The following ARID1B variants were observed in gnomAD, a reference collection of about 807,000 sequenced individuals.
ARID1B encodes AT-rich interactive domain-containing protein 1B.
In ARID1B, 30 loss-of-function variants were observed where a neutral mutation model predicts 212.3. The ratio of observed to expected loss-of-function variants is 0.14; its 90% CI spans 0.11 to 0.19. ARID1B has a LOEUF of 0.19. Among genes scored for constraint, ARID1B ranks in the 10% least tolerant of loss-of-function variants. The pLI, the probability that ARID1B is intolerant of heterozygous loss-of-function variation, is 1.00. For synonymous variants in ARID1B, 1,402 were observed against 1,301.7 expected (o/e 1.08, Z -1.66); for missense variants, 2,891 against 3,204.0 (o/e 0.90, Z 2.36).
chr6:156,805,545 A>G (rs1781094586), intron 1 of ARID1B, among the ~76,000 whole-genome samples: 1 of 152,210 alleles, frequency 6.6e-6, no homozygotes, highest in African/African-American at 2.4e-5. Context: ...GTTTGCCTAT[A>G]GGAGTATGCT....
chr6:157,180,389 A>C (rs536488207), intron 11 of ARID1B, among the ~76,000 whole-genome samples: 20 of 151,980 alleles, frequency 1.3e-4, no homozygotes, highest in African/African-American at 4.8e-4. Flanking sequence ...AACAAAAAAA[A>C]ACAAAAAACA....
At chr6:157,181,693 CA>C (rs1792548424) in intron 12 of ARID1B, among the ~76,000 whole-genome samples, 1 of 152,242 alleles carries the variant, frequency 6.6e-6, no homozygotes, top group East Asian at 1.9e-4. Context: ...TGAGGTGTGA[CA>C]GGGGAGCTGC....
intron 4 of ARID1B, among the ~76,000 whole-genome samples, chr6:156,982,682 CTTGT>C (rs1277641598): frequency 6.6e-6 from 1 of 151,954 alleles, no homozygotes; most frequent in Non-Finnish European, 1.5e-5. Context: ...GTTAAATTAT[CTTGT>C]TTTTCTCTTT....
At chr6:156,914,180 A>C (rs1175826005) in intron 3 of ARID1B, among the ~76,000 whole-genome samples, 2 of 66,474 alleles carry the variant, frequency 3.0e-5, no homozygotes, top group African/African-American at 6.2e-5. Context: ...CCCCCATTCC[A>C]CTCTACTCCC....
At chr6:156,790,664 C>T (rs191794715) in intron 1 of ARID1B, among the ~76,000 whole-genome samples, 69 of 152,306 alleles carry the variant, frequency 4.5e-4, no homozygotes, top group African/African-American at 1.6e-3. Context: ...TCATCCCTTT[C>T]CCCCCATCTT....
At chr6:157,108,246 A>G (rs972809460) in intron 5 of ARID1B, among the ~76,000 whole-genome samples, 3 of 152,208 alleles carry the variant, frequency 2.0e-5, no homozygotes, top group East Asian at 3.8e-4. Context: ...GTGCCACACA[A>G]CCAGAAGTGC....
intron 8 of ARID1B, among the ~76,000 whole-genome samples, chr6:157,165,730 T>TTCC (rs1393939409): frequency 1.3e-5 from 2 of 152,134 alleles, no homozygotes; most frequent in Admixed American, 6.5e-5. Context: ...ACACCTGTAG[T>TTCC]TCCAGCTATT....
At chr6:157,031,263 T>C (rs569624378) in intron 4 of ARID1B, among the ~76,000 whole-genome samples, 18 of 152,334 alleles carry the variant, frequency 1.2e-4, no homozygotes, top group African/African-American at 3.4e-4. Flanking sequence ...AGTGTCTACT[T>C]TTCCTTAATG....
At chr6:157,142,329 A>G (rs1789419314) in intron 7 of ARID1B, among the ~76,000 whole-genome samples, 1 of 152,198 alleles carries the variant, frequency 6.6e-6, no homozygotes. Flanking sequence ...TTATATCTCA[A>G]TATAGACATG....
intron 2 of ARID1B, among the ~76,000 whole-genome samples, chr6:156,859,819 G>C (rs1785200597): frequency 6.6e-6 from 1 of 152,322 alleles, no homozygotes; most frequent in Non-Finnish European, 1.5e-5. Flanking sequence ...TTTGGAGAGG[G>C]CACAGAAAGA....
chr6:156,928,945 A>C (rs1791472494), intron 3 of ARID1B, among the ~76,000 whole-genome samples: 1 of 152,206 alleles, frequency 6.6e-6, no homozygotes, highest in African/African-American at 2.4e-5. Context: ...TAAAAAGCTA[A>C]AATTATATTC....
intron 4 of ARID1B, among the ~76,000 whole-genome samples, chr6:156,947,635 T>TAAA (rs11352269): frequency 7.1e-6 from 1 of 141,562 alleles, no homozygotes; most frequent in African/African-American, 2.6e-5. Context: ...AGGGCTAATT[T>TAAA]AAAAAAAAAA....
At chr6:157,035,081 C>T (rs1028161960) in intron 4 of ARID1B, among the ~76,000 whole-genome samples, 15 of 152,086 alleles carry the variant, frequency 9.9e-5, no homozygotes, top group African/African-American at 3.6e-4. Context: ...AAATTTCACA[C>T]GAAAGCTTTG....
At chr6:157,140,689 T>C (rs1789282641) in intron 7 of ARID1B, 1 of 398,660 alleles carries the variant, frequency 2.5e-6, no homozygotes, top group Non-Finnish European at 4.4e-6. Context: ...GAGACCCACC[T>C]CCTGGGAGGC....
At chr6:156,911,255 T>A (rs1789847145) in intron 3 of ARID1B, among the ~76,000 whole-genome samples, 1 of 150,208 alleles carries the variant, frequency 6.7e-6, no homozygotes, top group African/African-American at 2.5e-5. Flanking sequence ...TCTGGAAAAT[T>A]TATTATGTCA....
intron 6 of ARID1B, among the ~76,000 whole-genome samples, chr6:157,125,369 G>A (rs555960543): frequency 2.5e-4 from 38 of 152,262 alleles, no homozygotes; most frequent in African/African-American, 8.4e-4. Flanking sequence ...CTTGACAGTT[G>A]GTAGCTGGGC....
chr6:157,033,085 T>C (rs946806137), intron 4 of ARID1B, among the ~76,000 whole-genome samples: 1 of 152,230 alleles, frequency 6.6e-6, no homozygotes, highest in African/African-American at 2.4e-5. Flanking sequence ...TTTTATACTT[T>C]AGGATCAGTG....
At chr6:157,187,520 C>G (rs1793054523) in intron 13 of ARID1B, among the ~76,000 whole-genome samples, 1 of 152,196 alleles carries the variant, frequency 6.6e-6, no homozygotes, top group African/African-American at 2.4e-5. Flanking sequence ...TTCGCTCAAC[C>G]CCGCCAGAAC....
At chr6:157,106,052 A>G (rs550165462) in intron 5 of ARID1B, among the ~76,000 whole-genome samples, 1 of 152,294 alleles carries the variant, frequency 6.6e-6, no homozygotes, top group African/African-American at 2.4e-5. Flanking sequence ...CAACAATCCC[A>G]CTTCAGGGAA....
Sources: gnomAD v4.1 joint callset for allele counts (sites outside exome capture counted in the v4.1 genomes callset) on GRCh38, gnomAD v4.1.1 for gene constraint, MANE v1.5 for transcripts, NCBI Gene and HGNC (gene_info 2026-07-23, HGNC 2026-07-21) for gene names.